The following GANAB variants were observed in gnomAD, a reference collection of about 807,000 sequenced individuals.
The protein encoded by GANAB is glucosidase II alpha subunit, also known as neutral alpha-glucosidase AB.
In GANAB, 35 loss-of-function variants were observed where a neutral mutation model predicts 129.9. The ratio of observed to expected loss-of-function variants is 0.27; its 90% CI spans 0.21 to 0.36. The LOEUF (loss-of-function observed/expected upper bound fraction) is 0.36. Ranked by LOEUF, GANAB falls within the 10% of genes least tolerant of loss-of-function variation. GANAB has a pLI of 1.00. For synonymous variants in GANAB, 482 were observed against 451.8 expected (o/e 1.07, Z -0.85); for missense variants, 939 against 1,221.0 (o/e 0.77, Z 3.44).
At position 62,626,420 on chromosome 11, in the gene GANAB, C is replaced by A; in HGVS notation, c.2539G>T (p.Asp847Tyr). 1 of 1,612,776 alleles carries A rather than the reference C, an allele frequency of 6.2e-7. No individual in the cohort carries two copies. The highest frequency in any genetic ancestry group is 8.5e-7 in the Non-Finnish European group (1 of 1,178,804). Reference sequence around the variant, plus strand: ...TGATAGTTGAACGTGTGCCCATCATCCAGAAAGAGCTCTCCTTGAGCTGTA... The same window carrying A: ...TGATAGTTGAACGTGTGCCCATCATACAGAAAGAGCTCTCCTTGAGCTGTA... ...QGTAQGELFL[D>Y]DGHTFNYQTR... is the part of the protein sequence containing the mutation. The change falls in exon 22 of 24, where the codon GAT (aspartate) becomes TAT (tyrosine). Residue 847 changes from aspartate to tyrosine, a missense_variant. Physicochemically the swap from Asp to Tyr is radical, Grantham distance 160. This residue lies in a region of GANAB where 230 missense variants were observed against 259.9 expected (regional missense o/e 0.89). Coordinates refer to ENST00000356638, the MANE Select transcript of GANAB (RefSeq NM_198334.3).
intron 4 of GANAB, among the ~76,000 whole-genome samples, chr11:62,636,524 A>C (rs746160863): frequency 1.3e-5 from 2 of 151,762 alleles, no homozygotes; most frequent in Middle Eastern, 3.2e-3. Context: ...AAAATTAAAA[A>C]ATATATTTTT....
intron 17 of GANAB, among the ~76,000 whole-genome samples, chr11:62,628,398 A>G (rs1451999864): frequency 6.6e-6 from 1 of 151,686 alleles, no homozygotes; most frequent in African/African-American, 2.4e-5. Context: ...TTTTTAGTAG[A>G]GATGGGGTTT....
At chr11:62,628,079 A>C (rs1452105840) in intron 17 of GANAB, among the ~76,000 whole-genome samples, 2 of 152,082 alleles carry the variant, frequency 1.3e-5, no homozygotes, top group Non-Finnish European at 2.9e-5. Context: ...TTCCTAGTAC[A>C]TAACAAACTA....
At chr11:62,626,285 AG>A (rs1350694853) in intron 22 of GANAB, 49 bp downstream of exon 22, 2 of 1,385,880 alleles carry the variant, frequency 1.4e-6, no homozygotes, top group African/African-American at 2.8e-5. Context: ...AGCCCCCACA[AG>A]GATCAGGCCC....
chr11:62,628,880 G>A lies in GANAB; in HGVS notation c.2069C>T (p.Pro690Leu). The A allele has an allele frequency of 6.2e-7, 1 of 1,614,146 alleles. No individual in the cohort carries two copies. The highest frequency in any genetic ancestry group is 1.1e-5 in the South Asian group (1 of 91,082). Reference sequence around the variant, plus strand: ...TCGGATTATATCATTGTGCTGAGATGGTAACAGCCATGGCTCTCGTCGCCC... The same window carrying A: ...TCGGATTATATCATTGTGCTGAGATAGTAACAGCCATGGCTCTCGTCGCCC... Reference protein sequence around the residue: ...DTGRREPWLLPSQHNDIIRDA... With the variant: ...DTGRREPWLLLSQHNDIIRDA... Residue 690 changes from proline (P) to leucine (L), a missense_variant, in exon 17 of 24, where the codon CCA becomes CTA. By Grantham distance (98) the Pro-to-Leu change is moderately conservative. Coordinates refer to ENST00000356638, the MANE Select transcript of GANAB (RefSeq NM_198334.3).
rs773714669 is a variant in GANAB at position 62,646,556 on chromosome 11, C to A, written c.38+6G>T. On this transcript the variant is annotated splice_donor_region_variant and intron_variant, in intron 1 of 23. Transcript: ENST00000356638. ...CGGGCGCGCCCCCAGATTCCGGGCTCCTCACCGCCTCCTACGCGCCGCCAC... is the reference window on the plus strand; with the variant it reads ...CGGGCGCGCCCCCAGATTCCGGGCTACTCACCGCCTCCTACGCGCCGCCAC... 2 of 1,613,532 alleles carry A rather than the reference C, an allele frequency of 1.2e-6. No individual in the cohort carries two copies. Among genetic ancestry groups the A allele is most frequent in the East Asian group, 2.2e-5 (1 of 44,840 alleles).
intron 5 of GANAB, chr11:62,634,338 A>G (rs1353053795): frequency 2.5e-6 from 4 of 1,611,424 alleles, no homozygotes; most frequent in East Asian, 2.2e-5. Context: ...ATCTTATCCC[A>G]TATGCTACCA....
intron 1 of GANAB, among the ~76,000 whole-genome samples, chr11:62,642,602 T>C (rs1420013495): frequency 6.6e-6 from 1 of 151,958 alleles, no homozygotes; most frequent in Non-Finnish European, 1.5e-5. Flanking sequence ...GCCCAGCTAA[T>C]TTTTTGTATT....
chr11:62,633,804 C>T (rs778332366), intron 5 of GANAB: 18 of 514,220 alleles, frequency 3.5e-5, no homozygotes, highest in Non-Finnish European at 5.9e-5. Flanking sequence ...GATTCAGGGG[C>T]CTGGGTTATG....
rs1943838983 is a variant in GANAB, at chr11:62,634,377, T to G, written c.560+444A>C. 9 of 1,604,552 alleles carry G rather than the reference T, an allele frequency of 5.6e-6. No individual in the cohort carries two copies. The highest frequency in any genetic ancestry group is 2.2e-5 in the South Asian group (2 of 90,870). ...GTGAGATTAACCTTATCCGAGAAAC[T>G]GGGGCAGGAGGAGATGGGTAGGGAA... On this transcript the variant is annotated intron_variant, in intron 5 of 23. Transcript: ENST00000356638.
rs1450637197 is a variant in GANAB at position 62,630,382 on chromosome 11, G to A, written c.1510C>T (p.Pro504Ser). The A allele has an allele frequency of 6.2e-7, 1 of 1,614,016 alleles. No homozygotes were observed. Among genetic ancestry groups the A allele is most frequent in the Non-Finnish European group, 8.5e-7 (1 of 1,180,040 alleles). The change falls in exon 12 of 24, where the codon CCA becomes TCA. Residue 504 changes from proline to serine, a missense_variant. Physicochemically the swap from Pro to Ser is moderately conservative, Grantham distance 74. Coordinates refer to ENST00000356638, the MANE Select transcript of GANAB (RefSeq NM_198334.3). ...CCTCAATTCTGGGTCTGCTTACCTG[G>A]CCAGCACCAGCCCTCATAGTCAGAG... The part of the protein sequence containing the change: ...DGSDYEGWCW[P>S]GSAGYPDFTN...
intron 1 of GANAB, among the ~76,000 whole-genome samples, chr11:62,641,733 C>T (rs2134547470): frequency 6.6e-6 from 1 of 150,910 alleles, no homozygotes; most frequent in Admixed American, 6.6e-5. Flanking sequence ...GAGCACGCCA[C>T]CATGCCCAGC....
At position 62,634,503 on chromosome 11, in the gene GANAB, T is replaced by A. The variant is rs575116732; in HGVS notation, c.560+318A>T. The A allele has an allele frequency of 7.1e-5, 48 of 677,770 alleles. No homozygotes were observed. Among genetic ancestry groups the A allele is most frequent in the Middle Eastern group, 2.8e-4 (1 of 3,614 alleles). 42.0% of individuals were successfully genotyped at this position (677,770 alleles called of 1,614,324 possible). On this transcript the variant is annotated intron_variant, in intron 5 of 23. Transcript: ENST00000356638. ...GGGGGGAAAAAGAAACCAAAAAAAATAAATAAATAAAAACGAAGAAAATAA... is the reference window on the plus strand; with the variant it reads ...GGGGGGAAAAAGAAACCAAAAAAAAAAAATAAATAAAAACGAAGAAAATAA...
In GANAB at chr11:62,632,721, G is replaced by A. The variant is rs1322169567; in HGVS notation, c.840C>T (p.Tyr280=). 1.2e-6 allele frequency: 2 copies of A among 1,613,876 alleles called. No homozygotes were observed. The highest frequency in any genetic ancestry group is 3.3e-5 in the Admixed American group (2 of 60,002). ...VTEGGEPYRL[Y]NLDVFQYELY... ...GCTCATACTGGAACACATCCAAATT[G>A]TAGAGGCGATATGGCTCCCCACCCC... Residue 280 remains tyrosine (Y), a synonymous_variant, in exon 9 of 24, where the codon TAC becomes TAT. Coordinates refer to ENST00000356638, the MANE Select transcript of GANAB (RefSeq NM_198334.3).
In GANAB at chr11:62,634,952, A is replaced by C. The variant is rs571952003; in HGVS notation, c.429T>G (p.Ala143=). The C allele has an allele frequency of 6.2e-7, 1 of 1,613,880 alleles. No individual in the cohort carries two copies. Among genetic ancestry groups the C allele is most frequent in the Non-Finnish European group, 8.5e-7 (1 of 1,179,746 alleles). Residue 143 remains alanine, a synonymous_variant, in exon 5 of 24, where the codon GCT becomes GCG. Coordinates refer to ENST00000356638, the MANE Select transcript of GANAB (RefSeq NM_198334.3). Reference sequence around the variant, plus strand: ...TCAAGATGATCTTGTAGGGTCCCTCAGCCATGGTTAACTCCACACTGTTCT... The same window carrying C: ...TCAAGATGATCTTGTAGGGTCCCTCCGCCATGGTTAACTCCACACTGTTCT... The part of the protein sequence containing the change: ...RDENSVELTM[A]EGPYKIILTA...
chr11:62,628,748 C>G, intron 17 of GANAB, 21 bp downstream of exon 17: 1 of 1,609,030 alleles, frequency 6.2e-7, no homozygotes, highest in Non-Finnish European at 8.5e-7. Flanking sequence ...CCACTCTTCA[C>G]AGCCCAAGTG....
Position 62,626,082 on chromosome 11 carries a change from A to T in GANAB, c.2708T>A (p.Val903Glu). Reference sequence around the variant, plus strand: ...TCACTCACCTTTTGTCTGGAGTACCACAGCTGCTGGCTTTCCAGCCCCTAT... The same window carrying T: ...TCACTCACCTTTTGTCTGGAGTACCTCAGCTGCTGGCTTTCCAGCCCCTAT... Reference protein sequence around the residue: ...VIIGAGKPAAVVLQTKGSPES... With the variant: ...VIIGAGKPAAEVLQTKGSPES... The change falls in exon 23 of 24, where the codon GTG becomes GAG. Residue 903 changes from valine (V) to glutamate (E), a missense_variant. Physicochemically the swap from Val to Glu is moderately radical, Grantham distance 121. Transcript: ENST00000356638. 1 of 1,612,884 alleles carries T rather than the reference A, an allele frequency of 6.2e-7. No homozygotes were observed. The highest frequency in any genetic ancestry group is 8.5e-7 in the Non-Finnish European group (1 of 1,178,862).
chr11:62,639,265 G>T, intron 3 of GANAB, 94 bp downstream of exon 3: 2 of 1,274,684 alleles, frequency 1.6e-6, no homozygotes, highest in Non-Finnish European at 2.3e-6. Flanking sequence ...CAAAGATTAG[G>T]CTGGGACAAG....
intron 17 of GANAB, 92 bp from the exon 18 acceptor site, chr11:62,627,445 G>A: frequency 4.0e-6 from 3 of 754,540 alleles, no homozygotes; most frequent in South Asian, 1.5e-5. Flanking sequence ...GAAAAGAACA[G>A]CATAGGCCGG....
Sources: gnomAD v4.1 joint callset for allele counts (sites outside exome capture counted in the v4.1 genomes callset) on GRCh38, gnomAD v4.1.1 for gene constraint, gnomAD v4.1.1 regional missense constraint, MANE v1.5 for transcripts, NCBI Gene and HGNC (gene_info 2026-07-23, HGNC 2026-07-21) for gene names.